Variants in BMP2K observed in about 807,000 individuals in gnomAD.
BMP2K encodes the protein BMP2 inducible kinase.
Under a neutral mutation model 116.0 loss-of-function variants are expected in BMP2K, and 74 were observed. That is an observed-to-expected ratio of 0.64 (90% CI 0.53 to 0.77). The LOEUF (loss-of-function observed/expected upper bound fraction) is 0.77. Among genes scored for constraint, BMP2K ranks in the 30% least tolerant of loss-of-function variants. BMP2K has a pLI of 0.00. For missense variants in BMP2K, 1,365 were observed against 1,403.6 expected (o/e 0.97, Z 0.44); for synonymous variants, 486 against 502.5 (o/e 0.97, Z 0.44).
intron 15 of BMP2K, among the ~76,000 whole-genome samples, chr4:78,892,132 G>A (rs1165484498): frequency 6.6e-6 from 1 of 152,102 alleles, no homozygotes; most frequent in Non-Finnish European, 1.5e-5. Flanking sequence ...AATGTTACTT[G>A]TACTTTCTGT....
chr4:78,841,353 T>A (rs990715781), intron 3 of BMP2K, among the ~76,000 whole-genome samples: 3 of 152,182 alleles, frequency 2.0e-5, no homozygotes, highest in African/African-American at 7.2e-5. Context: ...AATCACATAT[T>A]TACTTGCATT....
intron 1 of BMP2K, among the ~76,000 whole-genome samples, chr4:78,784,437 A>C (rs931972193): frequency 3.3e-5 from 5 of 152,212 alleles, no homozygotes; most frequent in Non-Finnish European, 7.3e-5. Context: ...TAAGTTGGGA[A>C]GTTGAGTGGT....
At chr4:78,797,099 A>G (rs1428909723) in intron 1 of BMP2K, among the ~76,000 whole-genome samples, 1 of 152,222 alleles carries the variant, frequency 6.6e-6, no homozygotes, top group Non-Finnish European at 1.5e-5. Flanking sequence ...TTTTTAAAAC[A>G]TTGTAATTTT....
chr4:78,800,690 A>T (rs1288181964), intron 1 of BMP2K, among the ~76,000 whole-genome samples: 2 of 152,228 alleles, frequency 1.3e-5, no homozygotes, highest in South Asian at 4.1e-4. Flanking sequence ...CTGTCTTTAA[A>T]GCTTGGAGAT....
chr4:78,858,210 T>C (rs984194564), intron 7 of BMP2K, among the ~76,000 whole-genome samples: 2 of 151,988 alleles, frequency 1.3e-5, no homozygotes, highest in African/African-American at 4.8e-5. Flanking sequence ...AATAAGTAGT[T>C]ATTGTTAACA....
intron 1 of BMP2K, among the ~76,000 whole-genome samples, chr4:78,808,209 CACT>C (rs1430016704): frequency 1.3e-5 from 2 of 151,168 alleles, no homozygotes; most frequent in African/African-American, 4.9e-5. Context: ...TGCCTGCCAC[CACT>C]TTTTCTAGTT....
At chr4:78,826,652 C>T (rs564362229) in intron 2 of BMP2K, among the ~76,000 whole-genome samples, 3 of 152,144 alleles carry the variant, frequency 2.0e-5, no homozygotes, top group African/African-American at 2.4e-5. Flanking sequence ...GGACCCACTA[C>T]GGATACTAAA....
chr4:78,861,719 C>T (rs549507702), intron 9 of BMP2K, among the ~76,000 whole-genome samples: 3 of 151,792 alleles, frequency 2.0e-5, no homozygotes, highest in East Asian at 1.9e-4. Context: ...GATGTGACAG[C>T]GGGTCTTTTT....
chr4:78,907,338 A>G (rs189298554), intron 15 of BMP2K, among the ~76,000 whole-genome samples: 3 of 152,352 alleles, frequency 2.0e-5, no homozygotes, highest in Admixed American at 1.3e-4. Context: ...AAGTAATGGT[A>G]GCCAGTTGAA....
Position 78,803,586 on chromosome 4 carries a change from C to T in BMP2K, c.179-22451C>T, listed in dbSNP as rs145550039. ...TAGAGATGGGGTTTCGCCATGTTGT[C>T]CAGGCTGGTCTTGAACTCCTGGCTT... On this transcript the variant is annotated intron_variant, in intron 1 of 15. Coordinates refer to ENST00000502613, the MANE Select transcript of BMP2K (RefSeq NM_198892.2). Among the ~76,000 whole-genome samples the T allele has an allele frequency of 3.9e-5, 6 of 151,978 alleles. No individual in the cohort carries two copies. In the East Asian group the frequency reaches 1.2e-3, roughly 30 times the overall value.
At chr4:78,857,797 A>G (rs1731574757) in intron 7 of BMP2K, among the ~76,000 whole-genome samples, 1 of 152,048 alleles carries the variant, frequency 6.6e-6, no homozygotes, top group Non-Finnish European at 1.5e-5. Context: ...TATCACGAAT[A>G]GTGTTTTTCC....
intron 1 of BMP2K, among the ~76,000 whole-genome samples, chr4:78,804,724 C>CT (rs1389234989): frequency 1.4e-3 from 195 of 140,228 alleles, no homozygotes; most frequent in South Asian, 9.7e-3. Context: ...ATGTGTGTAT[C>CT]TTTTTTTTTT....
chr4:78,837,596 A>C (rs965475809), intron 3 of BMP2K, among the ~76,000 whole-genome samples: 1 of 152,076 alleles, frequency 6.6e-6, no homozygotes, highest in Admixed American at 6.6e-5. Flanking sequence ...TTTAGCTGCA[A>C]ATCTTTTGTT....
chr4:78,851,959 C>T (rs573727422), intron 7 of BMP2K, among the ~76,000 whole-genome samples: 2 of 152,102 alleles, frequency 1.3e-5, no homozygotes, highest in East Asian at 3.9e-4. Context: ...ATATTTATTA[C>T]TCATTTGACA....
chr4:78,845,730 C>A (rs1419776101), intron 5 of BMP2K, among the ~76,000 whole-genome samples: 1 of 151,578 alleles, frequency 6.6e-6, no homozygotes, highest in Non-Finnish European at 1.5e-5. Context: ...ATAGGACTTT[C>A]TAAATAGTTA....
Position 78,870,974 on chromosome 4 carries a change from C to T in BMP2K, c.1423C>T (p.Gln475Ter), listed in dbSNP as rs1310088017. 2 of 1,610,538 alleles carry T rather than the reference C, an allele frequency of 1.2e-6. No individual in the cohort carries two copies. Among genetic ancestry groups the T allele is most frequent in the Non-Finnish European group, 1.7e-6 (2 of 1,179,208 alleles). ...GCAGCAACAGCAACAGCAGCAGCAG[C>T]AACAGCAACAGCAGCAGCAGCAGCA... ...QQQQQQQQQQ[Q>*]QQQQQQQQQQ... The change falls in exon 11 of 16, where the codon CAA becomes TAA. Residue 475 changes from glutamine to a stop codon, truncating the protein, a stop_gained. Coordinates refer to ENST00000502613, the MANE Select transcript of BMP2K (RefSeq NM_198892.2). LOFTEE classifies it high-confidence loss of function.
At position 78,915,458 on chromosome 4, in the gene BMP2K, CT is replaced by C. The variant is rs1205844912; in HGVS notation, c.*3431del. 1.3e-5 allele frequency: 2 copies of C among 151,754 alleles called. No homozygotes were observed. The allele number at this position is 151,754 out of a possible 1,614,324, so 9.4% of individuals were successfully genotyped here. A position where few individuals can be genotyped will look rare whatever the true frequency, so the allele number is the denominator to read the frequency against. On this transcript the variant is annotated 3_prime_UTR_variant, in exon 16 of 16. Coordinates refer to ENST00000502613, the MANE Select transcript of BMP2K (RefSeq NM_198892.2). Reference sequence around the variant, plus strand: ...TAATATATTTAGAATGTGCAGTAAACTTTTTTCTCATTTTTTTTTCTTTTTA... The same window carrying C: ...TAATATATTTAGAATGTGCAGTAAACTTTTTCTCATTTTTTTTTCTTTTTA...
At chr4:78,897,850 T>A (rs910565969) in intron 15 of BMP2K, among the ~76,000 whole-genome samples, 1 of 152,216 alleles carries the variant, frequency 6.6e-6, no homozygotes, top group African/African-American at 2.4e-5. Flanking sequence ...ATTATAAAGA[T>A]TACAGCCCTT....
intron 1 of BMP2K, among the ~76,000 whole-genome samples, chr4:78,816,569 C>T (rs1729361338): frequency 1.3e-5 from 2 of 152,124 alleles, no homozygotes; most frequent in Admixed American, 1.3e-4. Flanking sequence ...ATGGTATCTA[C>T]TTTTATTTGA....
Sources: allele counts gnomAD v4.1 joint callset (sites outside exome capture counted in the v4.1 genomes callset), GRCh38; gene constraint gnomAD v4.1.1; transcripts MANE v1.5; gene names NCBI Gene and HGNC (gene_info 2026-07-23, HGNC 2026-07-21).